TRAPPC9: variants seen among roughly 807,000 people sequenced by gnomAD.
TRAPPC9 encodes the protein IKK2 binding protein.
A neutral mutation model predicts 124.0 loss-of-function variants in TRAPPC9; 83 were observed. The observed-to-expected ratio is 0.67, with a 90% CI of 0.56 to 0.80. The LOEUF (loss-of-function observed/expected upper bound fraction) is 0.80, where lower values mean the gene tolerates loss of function less well. Ranked by LOEUF, TRAPPC9 falls within the 30% of genes least tolerant of loss-of-function variation. TRAPPC9 has a pLI of 0.00. For missense variants in TRAPPC9, 1,302 were observed against 1,508.3 expected (o/e 0.86, Z 2.27); for synonymous variants, 638 against 617.5 (o/e 1.03, Z -0.49).
chr8:140,125,587 CTTTTTTTT>C (rs11292333), intron 17 of TRAPPC9, among the ~76,000 whole-genome samples: 20 of 67,814 alleles, frequency 2.9e-4, no homozygotes, highest in Non-Finnish European at 4.5e-4. Flanking sequence ...GAATCTCATT[CTTTTTTTT>C]TTTTTTTTTT....
At chr8:140,223,079 T>C (rs2063373467) in intron 16 of TRAPPC9, among the ~76,000 whole-genome samples, 1 of 152,208 alleles carries the variant, frequency 6.6e-6, no homozygotes, top group Non-Finnish European at 1.5e-5. Context: ...TAGGTAAACG[T>C]GTGCCATGGT....
intron 17 of TRAPPC9, among the ~76,000 whole-genome samples, chr8:140,051,376 T>C (rs1191062512): frequency 6.6e-6 from 1 of 152,210 alleles, no homozygotes; most frequent in Non-Finnish European, 1.5e-5. Flanking sequence ...ATTTTTCACA[T>C]GGGTGTATCT....
chr8:140,079,334 T>C (rs548682347), intron 17 of TRAPPC9, among the ~76,000 whole-genome samples: 44 of 152,266 alleles, frequency 2.9e-4, no homozygotes, highest in Admixed American at 5.2e-4. Flanking sequence ...GTTCAGACTT[T>C]GAATGGGTGA....
chr8:140,150,956 G>T lies in TRAPPC9; in HGVS notation c.2556+70503C>A, dbSNP rs1455195255. Among the ~76,000 whole-genome samples the T allele has an allele frequency of 2.0e-5, 3 of 152,322 alleles. No homozygotes were observed. The East Asian group carries it at 5.8e-4, about 29-fold the overall frequency. Reference sequence around the variant, plus strand: ...GAACGCTATCCTGAAAGACAGCAGAGCTGAAATTATAAACGACTTCTACTG... The same window carrying T: ...GAACGCTATCCTGAAAGACAGCAGATCTGAAATTATAAACGACTTCTACTG... On this transcript the variant is annotated intron_variant, in intron 17 of 22. Coordinates refer to ENST00000438773, the MANE Select transcript of TRAPPC9 (RefSeq NM_001160372.4).
chr8:139,855,671 G>T (rs1168514972), intron 21 of TRAPPC9, among the ~76,000 whole-genome samples: 1 of 152,184 alleles, frequency 6.6e-6, no homozygotes, highest in Non-Finnish European at 1.5e-5. Context: ...CTCTCTCTGG[G>T]AACCTCTAAT....
intron 17 of TRAPPC9, among the ~76,000 whole-genome samples, chr8:140,198,375 C>T (rs559049758): frequency 2.4e-4 from 37 of 152,248 alleles, no homozygotes; most frequent in African/African-American, 8.7e-4. Context: ...CTCCCTGAAC[C>T]GCTCCTAAGA....
intron 9 of TRAPPC9, among the ~76,000 whole-genome samples, chr8:140,348,780 G>C (rs1257488729): frequency 6.6e-6 from 1 of 152,184 alleles, no homozygotes; most frequent in Non-Finnish European, 1.5e-5. Flanking sequence ...AAAAGCTGAA[G>C]TGTACATTTT....
At chr8:140,417,296 AT>A (rs1313169626) in intron 5 of TRAPPC9, among the ~76,000 whole-genome samples, 1 of 152,138 alleles carries the variant, frequency 6.6e-6, no homozygotes, top group African/African-American at 2.4e-5. Context: ...ATGGGAGAAA[AT>A]TTTTGCAATC....
intron 19 of TRAPPC9, among the ~76,000 whole-genome samples, chr8:139,970,172 A>G (rs1835969892): frequency 6.6e-6 from 1 of 152,194 alleles, no homozygotes; most frequent in Non-Finnish European, 1.5e-5. Flanking sequence ...AGCACCTCGG[A>G]AACAGGCGCC....
At chr8:139,773,763 G>T (rs1008844633) in intron 21 of TRAPPC9, among the ~76,000 whole-genome samples, 1 of 152,146 alleles carries the variant, frequency 6.6e-6, no homozygotes, top group African/African-American at 2.4e-5. Context: ...GCCTGAAACC[G>T]ACCAACCAAT....
At chr8:139,906,102 A>G (rs1481488976) in intron 20 of TRAPPC9, among the ~76,000 whole-genome samples, 3 of 152,062 alleles carry the variant, frequency 2.0e-5, no homozygotes, top group South Asian at 4.1e-4. Flanking sequence ...AAAAAACAAA[A>G]AACAACAAAC....
At chr8:140,436,824 T>C (rs1219619132) in intron 3 of TRAPPC9, among the ~76,000 whole-genome samples, 13 of 152,240 alleles carry the variant, frequency 8.5e-5, no homozygotes, top group Admixed American at 1.3e-4. Flanking sequence ...GAAAACCAAG[T>C]AAAACTATGT....
In TRAPPC9 at chr8:140,210,148, C is replaced by T. The variant is rs553935865; in HGVS notation, c.2556+11311G>A. 5.9e-5 allele frequency among the ~76,000 whole-genome samples: 9 copies of T among 152,366 alleles called. No homozygotes were observed. In the East Asian group the frequency reaches 1.7e-3, roughly 29 times the overall value. On this transcript the variant is annotated intron_variant, in intron 17 of 22. Coordinates refer to ENST00000438773, the MANE Select transcript of TRAPPC9 (RefSeq NM_001160372.4). ...TGTTCGGCTGCCTGCCATGCCTGGG[C>T]GTGCCAGCCTAGCAGAGGGGCCGGA...
At chr8:140,213,310 C>A (rs186008773) in intron 17 of TRAPPC9, among the ~76,000 whole-genome samples, 103 of 152,216 alleles carry the variant, frequency 6.8e-4, no homozygotes, top group African/African-American at 2.4e-3. Flanking sequence ...CACATCATCT[C>A]AGTTTTCACA....
chr8:139,905,493 G>A (rs755485698), intron 20 of TRAPPC9, among the ~76,000 whole-genome samples: 2 of 152,206 alleles, frequency 1.3e-5, no homozygotes, highest in Non-Finnish European at 2.9e-5. Context: ...GACTCGCCCC[G>A]TGCAGCTCCG....
At chr8:140,276,566 G>T (rs1031066823) in intron 14 of TRAPPC9, among the ~76,000 whole-genome samples, 2 of 152,196 alleles carry the variant, frequency 1.3e-5, no homozygotes, top group Non-Finnish European at 2.9e-5. Context: ...GACTTCTATT[G>T]ACTTTAACTG....
chr8:140,120,808 TCATCCATCTAA>T (rs1323594001), intron 17 of TRAPPC9, among the ~76,000 whole-genome samples: 2 of 115,572 alleles, frequency 1.7e-5, no homozygotes, highest in Non-Finnish European at 3.7e-5. Flanking sequence ...ATCCATCCAT[TCATCCATCTAA>T]CATCCATCCA....
chr8:139,875,922 G>A (rs1033181431), intron 21 of TRAPPC9, among the ~76,000 whole-genome samples: 2 of 152,208 alleles, frequency 1.3e-5, no homozygotes, highest in African/African-American at 4.8e-5. Context: ...TGGGAAGGAG[G>A]CAGAGGGCCG....
intron 9 of TRAPPC9, among the ~76,000 whole-genome samples, chr8:140,326,462 G>C (rs906726471): frequency 6.6e-6 from 1 of 152,096 alleles, no homozygotes; most frequent in South Asian, 2.1e-4. Context: ...CAAAGGACCC[G>C]CTTTGCCTGC....
Sources: allele counts gnomAD v4.1 joint callset (sites outside exome capture counted in the v4.1 genomes callset), GRCh38; gene constraint gnomAD v4.1.1; transcripts MANE v1.5; gene names NCBI Gene and HGNC (gene_info 2026-07-23, HGNC 2026-07-21).